Variants in KIAA1328 observed in about 807,000 individuals in gnomAD.
The protein encoded by KIAA1328 is protein hinderin.
KIAA1328 carries 52 observed loss-of-function variants against 68.1 expected under a neutral mutation model. The observed-to-expected ratio is 0.76, with a 90% CI of 0.61 to 0.96. The LOEUF (loss-of-function observed/expected upper bound fraction) is 0.96, where lower values mean the gene tolerates loss of function less well. KIAA1328 is among the 40% of genes least tolerant of loss of function. The pLI, the probability that KIAA1328 is intolerant of heterozygous loss-of-function variation, is 0.00. For missense variants in KIAA1328, 641 were observed against 677.6 expected (o/e 0.95, Z 0.60); for synonymous variants, 232 against 239.4 (o/e 0.97, Z 0.28).
intron 6 of KIAA1328, among the ~76,000 whole-genome samples, chr18:36,988,018 C>T (rs531982187): frequency 6.6e-6 from 1 of 152,118 alleles, no homozygotes; most frequent in South Asian, 2.1e-4. Context: ...TTAGTATAGC[C>T]GTTATCCTAA....
intron 5 of KIAA1328, among the ~76,000 whole-genome samples, chr18:36,930,977 C>G (rs1166064015): frequency 6.6e-6 from 1 of 152,022 alleles, no homozygotes; most frequent in Non-Finnish European, 1.5e-5. Context: ...GAGCTTAGGG[C>G]TCTACTTTTT....
downstream of KIAA1328, among the ~76,000 whole-genome samples, chr18:37,228,257 G>C (rs540801449): frequency 6.6e-6 from 1 of 152,182 alleles, no homozygotes; most frequent in Non-Finnish European, 1.5e-5. Flanking sequence ...GACAACAAAA[G>C]ACTTAGAATA....
chr18:36,871,781 TATGCTGA>T (rs1568103106), intron 4 of KIAA1328, among the ~76,000 whole-genome samples: 1 of 151,896 alleles, frequency 6.6e-6, no homozygotes, highest in African/African-American at 2.4e-5. Context: ...TAAGGAGACT[TATGCTGA>T]TAGGGAAAGA....
At chr18:37,007,602 G>A (rs1191957724) in intron 6 of KIAA1328, among the ~76,000 whole-genome samples, 1 of 152,096 alleles carries the variant, frequency 6.6e-6, no homozygotes, top group Non-Finnish European at 1.5e-5. Flanking sequence ...TTAGAAATTC[G>A]ATGATAATAT....
intron 4 of KIAA1328, among the ~76,000 whole-genome samples, chr18:36,866,680 T>C (rs2047763673): frequency 6.6e-6 from 1 of 152,156 alleles, no homozygotes; most frequent in Non-Finnish European, 1.5e-5. Flanking sequence ...AGTCAACTTT[T>C]GGATAAATAG....
intron 6 of KIAA1328, among the ~76,000 whole-genome samples, chr18:37,044,037 G>A (rs1327594472): frequency 2.0e-5 from 3 of 152,156 alleles, no homozygotes; most frequent in African/African-American, 4.8e-5. Flanking sequence ...GTCAAACATC[G>A]AGTGTAATAG....
intron 7 of KIAA1328, among the ~76,000 whole-genome samples, chr18:37,105,820 G>A (rs2057754306): frequency 6.8e-6 from 1 of 147,576 alleles, no homozygotes; most frequent in East Asian, 2.1e-4. Context: ...GGGAAGCTGA[G>A]GTAGGAGAAT....
chr18:37,064,571 C>T (rs1207345414), intron 6 of KIAA1328, among the ~76,000 whole-genome samples: 1 of 141,864 alleles, frequency 7.0e-6, no homozygotes, highest in Non-Finnish European at 1.5e-5. Flanking sequence ...TCTTAATTCC[C>T]GAATGTCACG....
chr18:36,896,604 G>C (rs2048874461), intron 5 of KIAA1328, among the ~76,000 whole-genome samples: 1 of 152,104 alleles, frequency 6.6e-6, no homozygotes, highest in Non-Finnish European at 1.5e-5. Flanking sequence ...TTTATTTGCT[G>C]CATCTTTGTT....
At chr18:37,064,539 C>A (rs1302844891) in intron 6 of KIAA1328, among the ~76,000 whole-genome samples, 3 of 137,460 alleles carry the variant, frequency 2.2e-5, no homozygotes, top group East Asian at 4.7e-4. Flanking sequence ...TGAAAGTACC[C>A]CCCCCCCCAA....
intron 5 of KIAA1328, among the ~76,000 whole-genome samples, chr18:36,896,795 A>G (rs962987940): frequency 6.6e-6 from 1 of 152,150 alleles, no homozygotes; most frequent in Non-Finnish European, 1.5e-5. Flanking sequence ...AGCCTTTTAC[A>G]TTACTGATTT....
At chr18:36,847,735 C>T (rs1329989488) in intron 4 of KIAA1328, among the ~76,000 whole-genome samples, 1 of 151,498 alleles carries the variant, frequency 6.6e-6, no homozygotes, top group African/African-American at 2.4e-5. Context: ...AATTTTGGAT[C>T]TTGACAAAGT....
intron 6 of KIAA1328, among the ~76,000 whole-genome samples, chr18:36,988,406 T>C (rs1425427081): frequency 6.6e-6 from 1 of 152,198 alleles, no homozygotes; most frequent in Non-Finnish European, 1.5e-5. Flanking sequence ...CAATAAATTA[T>C]TACCATCCAG....
intron 6 of KIAA1328, among the ~76,000 whole-genome samples, chr18:37,061,828 C>T (rs1164482750): frequency 2.0e-5 from 3 of 152,090 alleles, no homozygotes; most frequent in Admixed American, 6.5e-5. Context: ...CATACCCCAT[C>T]TTGAATTTTT....
chr18:36,927,057 C>T (rs1189459905), intron 5 of KIAA1328, among the ~76,000 whole-genome samples: 1 of 152,136 alleles, frequency 6.6e-6, no homozygotes, highest in African/African-American at 2.4e-5. Flanking sequence ...GTTGCTAAGC[C>T]ATTTATGAGG....
At chr18:36,956,179 A>G (rs1357173912) in intron 5 of KIAA1328, among the ~76,000 whole-genome samples, 1 of 152,220 alleles carries the variant, frequency 6.6e-6, no homozygotes, top group Non-Finnish European at 1.5e-5. Context: ...TTAATGTGAT[A>G]GTTAGGTTTT....
chr18:36,884,127 G>T (rs72887016), intron 4 of KIAA1328, among the ~76,000 whole-genome samples: 20,611 of 151,916 alleles, frequency 0.14, 1,737 homozygotes, highest in Admixed American at 0.18. Flanking sequence ...TACTTTGAAA[G>T]ATGTTATTGC....
intron 7 of KIAA1328, among the ~76,000 whole-genome samples, chr18:37,120,395 G>T (rs1197268993): frequency 6.6e-6 from 1 of 151,994 alleles, no homozygotes; most frequent in Non-Finnish European, 1.5e-5. Flanking sequence ...ATACACAGAA[G>T]TTACTTTGGC....
Position 37,045,238 on chromosome 18 carries a change from A to G in KIAA1328, c.577-21652A>G, listed in dbSNP as rs143274224. Among the ~76,000 whole-genome samples the G allele has an allele frequency of 5.8e-3, 888 of 152,284 alleles. 8 individuals are homozygous for G. The highest frequency in any genetic ancestry group is 0.02 in the African/African-American group (845 of 41,562). On this transcript the variant is annotated intron_variant, in intron 6 of 9. Coordinates refer to ENST00000280020, the MANE Select transcript of KIAA1328 (RefSeq NM_020776.3). ...GTAGCCTTCTTCAGTTAACTCCTGT[A>G]TGGCTGCTAGAAATTTTTGCAACTT...
Sources: gnomAD v4.1 joint callset for allele counts (sites outside exome capture counted in the v4.1 genomes callset) on GRCh38, gnomAD v4.1.1 for gene constraint, MANE v1.5 for transcripts, NCBI Gene and HGNC (gene_info 2026-07-23, HGNC 2026-07-21) for gene names.